Variants in NAALADL2 observed in about 807,000 individuals in gnomAD.
NAALADL2 encodes N-acetylated alpha-linked acidic dipeptidase like 2.
Under a neutral mutation model 87.2 loss-of-function variants are expected in NAALADL2, and 76 were observed. That is an observed-to-expected ratio of 0.87 (90% confidence interval 0.72 to 1.05). The LOEUF (loss-of-function observed/expected upper bound fraction) is 1.05. Among genes scored for constraint, NAALADL2 ranks in the 50% least tolerant of loss-of-function variants. The probability of loss-of-function intolerance (pLI) is 0.00; values close to 1 mark genes in which losing one functional copy is unlikely to be tolerated. For synonymous variants in NAALADL2, 354 were observed against 331.0 expected (o/e 1.07, Z -0.75); for missense variants, 1,089 against 945.8 (o/e 1.15, Z -1.99).
chr3:175,054,667 G>A (rs1227744389), intron 1 of NAALADL2, among the ~76,000 whole-genome samples: 1 of 152,148 alleles, frequency 6.6e-6, no homozygotes, highest in South Asian at 2.1e-4. Context: ...ATAGGTTCTG[G>A]ATGCTTAACA....
At chr3:175,701,324 G>C (rs1738965050) in intron 11 of NAALADL2, among the ~76,000 whole-genome samples, 1 of 152,042 alleles carries the variant, frequency 6.6e-6, no homozygotes, top group Non-Finnish European at 1.5e-5. Flanking sequence ...ATCAAGTCTG[G>C]CTGTTTTCAG....
chr3:175,331,123 A>G, intron 5 of NAALADL2, among the ~76,000 whole-genome samples: 1 of 152,176 alleles, frequency 6.6e-6, no homozygotes, highest in East Asian at 1.9e-4. Context: ...GGACATACCA[A>G]TAACAAGTAA....
intron 4 of NAALADL2, among the ~76,000 whole-genome samples, chr3:175,320,659 G>C (rs1415245524): frequency 1.3e-5 from 2 of 152,014 alleles, no homozygotes; most frequent in South Asian, 2.1e-4. Context: ...TCTGCTTTAG[G>C]GAAAGACATA....
At chr3:174,626,768 A>G (rs1399228243) in intron 2 of NAALADL2, among the ~76,000 whole-genome samples, 3 of 152,024 alleles carry the variant, frequency 2.0e-5, no homozygotes, top group Non-Finnish European at 4.4e-5. Context: ...ATTTGGCTGT[A>G]TAGAGCAAGA....
At position 175,234,062 on chromosome 3, in the gene NAALADL2, C is replaced by T. The variant is rs767946652; in HGVS notation, c.677C>T (p.Pro226Leu). The T allele has an allele frequency of 6.8e-6, 11 of 1,613,782 alleles. No individual in the cohort carries two copies. Among genetic ancestry groups the T allele is most frequent in the South Asian group, 1.1e-5 (1 of 91,088 alleles). The change falls in exon 3 of 14, where the codon CCT (proline) becomes CTT (leucine). Residue 226 changes from proline to leucine, a missense_variant. Physicochemically the swap from Pro to Leu is moderately conservative, Grantham distance 98. Coordinates refer to ENST00000454872, the MANE Select transcript of NAALADL2 (RefSeq NM_207015.3). ...TCTGTGCTGCTTGATCTGCCAGGCC[C>T]TTCTCCCAGCACTGTGACTCTGAGC... ...NYSVLLDLPG[P>L]SPSTVTLSSS... is the part of the protein sequence containing the mutation.
intron 2 of NAALADL2, among the ~76,000 whole-genome samples, chr3:175,203,604 G>C (rs1170921473): frequency 3.3e-5 from 4 of 121,564 alleles, no homozygotes; most frequent in Admixed American, 2.6e-4. Flanking sequence ...CACAGCGCAA[G>C]TCTCCTCATG....
intron 5 of NAALADL2, 91 bp downstream of exon 5, chr3:175,324,416 G>A: frequency 1.0e-6 from 1 of 988,120 alleles, no homozygotes; most frequent in Non-Finnish European, 1.4e-6. Context: ...GAATAGTGAT[G>A]TCAAATAATT....
At chr3:174,740,054 A>G (rs767991600) in intron 3 of NAALADL2, among the ~76,000 whole-genome samples, 56 of 152,054 alleles carry the variant, frequency 3.7e-4, no homozygotes, top group Non-Finnish European at 6.6e-4. Flanking sequence ...AACTTCAAAA[A>G]GTGCCAGTGT....
At chr3:174,636,124 T>C (rs1300311721) in intron 2 of NAALADL2, among the ~76,000 whole-genome samples, 1 of 152,114 alleles carries the variant, frequency 6.6e-6, no homozygotes, top group Non-Finnish European at 1.5e-5. Flanking sequence ...TGCTTAAAAC[T>C]GGATAACCAT....
At chr3:175,093,928 T>C (rs1359659035) in intron 1 of NAALADL2, among the ~76,000 whole-genome samples, 1 of 151,918 alleles carries the variant, frequency 6.6e-6, no homozygotes, top group Non-Finnish European at 1.5e-5. Flanking sequence ...CTGATGTACA[T>C]GTGATGGAAT....
At chr3:175,175,785 T>C (rs969904351) in intron 2 of NAALADL2, among the ~76,000 whole-genome samples, 1 of 152,146 alleles carries the variant, frequency 6.6e-6, no homozygotes, top group African/African-American at 2.4e-5. Context: ...AACATTATGT[T>C]CTGAACATAC....
intron 1 of NAALADL2, among the ~76,000 whole-genome samples, chr3:174,916,269 T>C (rs1474182081): frequency 6.6e-6 from 1 of 152,152 alleles, no homozygotes; most frequent in Non-Finnish European, 1.5e-5. Flanking sequence ...GTGGTGGGAA[T>C]GTAAATTAGT....
intron 13 of NAALADL2, among the ~76,000 whole-genome samples, chr3:175,766,886 A>G (rs1445746758): frequency 6.6e-6 from 1 of 152,280 alleles, no homozygotes; most frequent in Middle Eastern, 3.4e-3. Context: ...TTTTCTTCTT[A>G]TAATAAGAAA....
chr3:175,107,591 A>G (rs1339462235), intron 2 of NAALADL2, among the ~76,000 whole-genome samples: 1 of 151,942 alleles, frequency 6.6e-6, no homozygotes, highest in Non-Finnish European at 1.5e-5. Context: ...TGTTTTATAC[A>G]TACAGATTTA....
intron 1 of NAALADL2, among the ~76,000 whole-genome samples, chr3:174,504,098 T>G (rs1719062919): frequency 6.6e-6 from 1 of 152,154 alleles, no homozygotes. Context: ...TTGTAGGCAC[T>G]CAAAGGGGAG....
At chr3:175,751,668 C>T (rs1263867244) in intron 12 of NAALADL2, among the ~76,000 whole-genome samples, 1 of 152,048 alleles carries the variant, frequency 6.6e-6, no homozygotes, top group Non-Finnish European at 1.5e-5. Context: ...GGTGTGTAAA[C>T]TCCATGTGTA....
intron 2 of NAALADL2, among the ~76,000 whole-genome samples, chr3:175,168,223 A>C (rs1205320152): frequency 6.6e-6 from 1 of 151,982 alleles, no homozygotes; most frequent in Non-Finnish European, 1.5e-5. Context: ...GAAAACAAAT[A>C]TATTTAGAGA....
intron 11 of NAALADL2, among the ~76,000 whole-genome samples, chr3:175,698,633 A>T (rs1458541850): frequency 6.6e-6 from 1 of 151,038 alleles, no homozygotes; most frequent in Admixed American, 6.6e-5. Context: ...TTTTGATATT[A>T]TACATTAAGA....
At chr3:174,853,673 C>A (rs536575550) in intron 3 of NAALADL2, among the ~76,000 whole-genome samples, 17 of 151,772 alleles carry the variant, frequency 1.1e-4, no homozygotes, top group Non-Finnish European at 2.2e-4. Context: ...AGAGCTCTAA[C>A]AACTGAATAG....
Sources: allele counts gnomAD v4.1 joint callset (sites outside exome capture counted in the v4.1 genomes callset), GRCh38; gene constraint gnomAD v4.1.1; transcripts MANE v1.5; gene names NCBI Gene and HGNC (gene_info 2026-07-23, HGNC 2026-07-21).